PAPPA: variants seen among roughly 807,000 people sequenced by gnomAD.
PAPPA encodes pappalysin 1.
PAPPA carries 60 observed loss-of-function variants against 164.0 expected under a neutral mutation model. That is an observed-to-expected ratio of 0.37 (90% CI 0.30 to 0.45). PAPPA has a LOEUF of 0.45. Among genes scored for constraint, PAPPA ranks in the 20% least tolerant of loss-of-function variants. PAPPA has a pLI of 1.00. For synonymous variants in PAPPA, 875 were observed against 814.1 expected, an observed-to-expected ratio of 1.07 and a Z score of -1.27; for missense variants, 1,782 against 2,087.3, an observed-to-expected ratio of 0.85 and a Z score of 2.85.
chr9:116,276,457 C>T (rs1448393305), intron 9 of PAPPA, among the ~76,000 whole-genome samples: 1 of 152,116 alleles, frequency 6.6e-6, no homozygotes, highest in Non-Finnish European at 1.5e-5. Context: ...GATCTAGAGG[C>T]CTCCTGGCTG....
intron 13 of PAPPA, among the ~76,000 whole-genome samples, chr9:116,336,218 G>T (rs1457414723): frequency 2.0e-5 from 3 of 151,664 alleles, no homozygotes. Context: ...ATTCAGCCTT[G>T]CCCTGTATAC....
At chr9:116,190,153 T>G (rs571374453) in intron 2 of PAPPA, among the ~76,000 whole-genome samples, 1 of 152,308 alleles carries the variant, frequency 6.6e-6, no homozygotes, top group African/African-American at 2.4e-5. Flanking sequence ...GTGGAGTAAC[T>G]TAGCTAAGTT....
At chr9:116,340,252 TG>T (rs1230695561) in intron 13 of PAPPA, among the ~76,000 whole-genome samples, 5 of 152,242 alleles carry the variant, frequency 3.3e-5, no homozygotes, top group Non-Finnish European at 5.9e-5. Context: ...TTTGTTTTTG[TG>T]TTTCAGAAAT....
intron 10 of PAPPA, among the ~76,000 whole-genome samples, chr9:116,329,294 G>C (rs549895241): frequency 6.6e-6 from 1 of 152,218 alleles, no homozygotes; most frequent in South Asian, 2.1e-4. Flanking sequence ...TAGGAAAACT[G>C]ATGTTGATGG....
chr9:116,375,484 G>T (rs1846637480), intron 19 of PAPPA, among the ~76,000 whole-genome samples: 1 of 152,174 alleles, frequency 6.6e-6, no homozygotes, highest in Non-Finnish European at 1.5e-5. Context: ...TGATGCTCTA[G>T]AAGACAGGAA....
chr9:116,271,581 G>C lies in PAPPA; in HGVS notation c.2953+165G>C. Among the ~76,000 whole-genome samples the C allele has an allele frequency of 6.6e-6, 1 of 152,174 alleles. No homozygotes were observed. The highest frequency in any genetic ancestry group is 1.5e-5 in the Non-Finnish European group (1 of 68,002). ...CATGCCAGGCACTGTTTTCAATATCGGGAAATACAGCAGTGAAAAAACAAA... is the reference window on the plus strand; with the variant it reads ...CATGCCAGGCACTGTTTTCAATATCCGGAAATACAGCAGTGAAAAAACAAA... On this transcript the variant is annotated intron_variant, in intron 9 of 21. Transcript: ENST00000328252. This position sits in a 1 kb window ranked among gnomAD's most constrained non-coding sequence, Gnocchi z 4.2.
intron 1 of PAPPA, among the ~76,000 whole-genome samples, chr9:116,170,362 T>C (rs1843762865): frequency 1.3e-5 from 2 of 152,194 alleles, no homozygotes; most frequent in South Asian, 4.1e-4. Context: ...GAGGAAGAAT[T>C]AGTTTATTTC....
chr9:116,180,943 C>T (rs974096494), intron 1 of PAPPA, among the ~76,000 whole-genome samples: 2 of 152,092 alleles, frequency 1.3e-5, no homozygotes, highest in Non-Finnish European at 2.9e-5. Context: ...GTAAATAGTA[C>T]CTATTGTAGC....
rs34549794 is a variant in PAPPA at position 116,376,021 on chromosome 9, A to ATTTT, written c.4606-1540_4606-1537dup. Among the ~76,000 whole-genome samples the ATTTT allele has an allele frequency of 2.4e-4, 33 of 135,688 alleles. 1 individual carries two copies. The South Asian group carries it at 6.9e-3, about 28-fold the overall frequency. 89.0% of individuals were successfully genotyped at this position (135,688 alleles called of 152,430 possible). Reference sequence around the variant, plus strand: ...GAGAATAGAAAAGGGAACTTCCAGGATTTTTTTTTTTTTTTTTTGAGACGG... The same window carrying ATTTT: ...GAGAATAGAAAAGGGAACTTCCAGGATTTTTTTTTTTTTTTTTTTTTTGAGACGG... On this transcript the variant is annotated intron_variant, in intron 19 of 21. Transcript: ENST00000328252.
chr9:116,216,569 C>A (rs1844374103), intron 4 of PAPPA, among the ~76,000 whole-genome samples: 1 of 152,054 alleles, frequency 6.6e-6, no homozygotes, highest in African/African-American at 2.4e-5. Flanking sequence ...CCACAGATAT[C>A]AAGAGGGGAG....
intron 15 of PAPPA, among the ~76,000 whole-genome samples, chr9:116,350,968 A>T (rs1395192940): frequency 6.6e-6 from 1 of 152,246 alleles, no homozygotes; most frequent in African/African-American, 2.4e-5. Context: ...TAACCAGATG[A>T]ATCATACTGA....
intron 7 of PAPPA, among the ~76,000 whole-genome samples, chr9:116,259,187 G>T (rs1844971973): frequency 6.6e-6 from 1 of 151,510 alleles, no homozygotes; most frequent in Non-Finnish European, 1.5e-5. Flanking sequence ...TATTGTAGGT[G>T]CTTGAAACCA....
At chr9:116,325,346 C>T (rs56135755) in intron 10 of PAPPA, among the ~76,000 whole-genome samples, 4,592 of 152,182 alleles carry the variant, frequency 0.03, 96 homozygotes, top group Middle Eastern at 0.054. Context: ...GATATTATGA[C>T]TGTGGGTGTC....
intron 1 of PAPPA, among the ~76,000 whole-genome samples, chr9:116,179,855 G>A (rs1024779048): frequency 1.3e-5 from 2 of 152,128 alleles, no homozygotes; most frequent in East Asian, 3.9e-4. Flanking sequence ...AATCATGGAA[G>A]GGAAAGCAAA....
At chr9:116,383,744 T>G (rs1422100622) in intron 21 of PAPPA, among the ~76,000 whole-genome samples, 1 of 152,226 alleles carries the variant, frequency 6.6e-6, no homozygotes, top group Admixed American at 6.5e-5. Context: ...GATCAGTCAG[T>G]CCCAGGTGGG....
rs1845547219 is a variant in PAPPA at position 116,299,121 on chromosome 9, C to T, written c.2954-3636C>T. On this transcript the variant is annotated intron_variant, in intron 9 of 21. Coordinates refer to ENST00000328252, the MANE Select transcript of PAPPA (RefSeq NM_002581.5). ...AGATGTAGCTGAAGGGCCCCCGGGA[C>T]ACTAATAGCAACAGAAACTGAATAG... Among the ~76,000 whole-genome samples the T allele has an allele frequency of 2.0e-5, 3 of 152,208 alleles. No homozygotes were observed. In the South Asian group the frequency reaches 6.2e-4, roughly 32 times the overall value.
chr9:116,385,306 A>C (rs1308327087), intron 21 of PAPPA, among the ~76,000 whole-genome samples: 2 of 151,618 alleles, frequency 1.3e-5, no homozygotes, highest in South Asian at 4.2e-4. Flanking sequence ...CCACACCTGA[A>C]CCTCAATCTC....
intron 9 of PAPPA, among the ~76,000 whole-genome samples, chr9:116,272,757 G>T (rs1391847928): frequency 6.6e-6 from 1 of 152,144 alleles, no homozygotes; most frequent in African/African-American, 2.4e-5. Context: ...CCTAGTAAAA[G>T]CTTGATATTA....
At chr9:116,312,109 C>T (rs1043929812) in intron 10 of PAPPA, among the ~76,000 whole-genome samples, 2 of 152,114 alleles carry the variant, frequency 1.3e-5, no homozygotes, top group Admixed American at 6.5e-5. Context: ...AGGAAGATTC[C>T]TTGGCCTCTG....
Sources: allele counts gnomAD v4.1 joint callset (sites outside exome capture counted in the v4.1 genomes callset), GRCh38; gene constraint gnomAD v4.1.1; non-coding constraint Gnocchi (gnomAD v3.1); transcripts MANE v1.5; gene names NCBI Gene and HGNC (gene_info 2026-07-23, HGNC 2026-07-21).